RNF128: variants seen among roughly 807,000 people sequenced by gnomAD.
The protein encoded by RNF128 is E3 ubiquitin-protein ligase RNF128.
A neutral mutation model predicts 26.2 loss-of-function variants in RNF128; 13 were observed. The observed-to-expected ratio is 0.50, with a 90% CI of 0.32 to 0.79. The LOEUF (loss-of-function observed/expected upper bound fraction) is 0.79, where lower values mean the gene tolerates loss of function less well. Ranked by LOEUF, RNF128 falls within the 30% of genes least tolerant of loss-of-function variation. RNF128 has a pLI of 0.03. For synonymous variants in RNF128, 149 were observed against 142.5 expected (o/e 1.05, Z -0.32); for missense variants, 315 against 349.7 (o/e 0.90, Z 0.79).
chrX:106,767,911 G>A (rs1165232785), intron 1 of RNF128, among the ~76,000 whole-genome samples: 2 of 111,906 alleles, frequency 1.8e-5, no homozygotes, highest in Non-Finnish European at 3.8e-5. Context: ...TTTATTGAGA[G>A]TTTTTAGCAT....
At chrX:106,705,941 G>C (rs1258091971) in intron 1 of RNF128, among the ~76,000 whole-genome samples, 1 of 112,018 alleles carries the variant, frequency 8.9e-6, no homozygotes, top group Non-Finnish European at 1.9e-5. Flanking sequence ...ATGTTGGTTA[G>C]AAGAAGGAGT....
chrX:106,718,044 G>C (rs1251549866), intron 1 of RNF128, among the ~76,000 whole-genome samples: 1 of 111,858 alleles, frequency 8.9e-6, no homozygotes, highest in Non-Finnish European at 1.9e-5. Context: ...TGAAAGCACT[G>C]ACACATGTTA....
At position 106,728,086 on chromosome X, in the gene RNF128, G is replaced by GA. The variant is rs929606382; in HGVS notation, c.484+698dup. Among the ~76,000 whole-genome samples the GA allele has an allele frequency of 2.2e-3, 239 of 108,907 alleles. 1 individual carries two copies. The highest frequency in any genetic ancestry group is 4.8e-3 in the Middle Eastern group (1 of 210). 94.6% of individuals were successfully genotyped at this position (108,907 alleles called of 115,157 possible). A position where few individuals can be genotyped will look rare whatever the true frequency, so the allele number is the denominator to read the frequency against. ...GAGGATAGCAAAGGCCTAGACTTTG[G>GA]AAAAAAAAATAGTCCAGGTAGTTCT... On this transcript the variant is annotated intron_variant, in intron 1 of 6. Coordinates refer to ENST00000255499, the MANE Select transcript of RNF128 (RefSeq NM_194463.2).
intron 1 of RNF128, among the ~76,000 whole-genome samples, chrX:106,747,575 C>T (rs187562429): frequency 9.0e-6 from 1 of 111,228 alleles, no homozygotes; most frequent in East Asian, 2.8e-4. Context: ...ATCTTCTGAT[C>T]CCATTTGAGT....
intron 1 of RNF128, among the ~76,000 whole-genome samples, chrX:106,770,088 T>C (rs1378480676): frequency 2.7e-5 from 3 of 112,116 alleles, no homozygotes; most frequent in African/African-American, 9.7e-5. Flanking sequence ...TCTCTTCTGA[T>C]TTGTAGAGTT....
Position 106,773,156 on chromosome X carries a change from A to G in RNF128, c.728A>G (p.Lys243Arg). 8.3e-7 allele frequency: 1 copy of G among 1,208,935 alleles called. No individual in the cohort carries two copies. The highest frequency in any genetic ancestry group is 3.0e-5 in the East Asian group (1 of 33,831). ...RLRNARAQSR[K>R]QRQLKADAKK... ...CGGAATGCAAGAGCTCAAAGCAGGA[A>G]GCAGGTTTGTAATGGTCCTTTCTTC... The change falls in exon 2 of 7, where the codon AAG (lysine) becomes AGG (arginine). Residue 243 changes from lysine (K) to arginine (R), a missense_variant. Transcript: ENST00000255499.
At chrX:106,752,620 T>A (rs987649757) in intron 1 of RNF128, among the ~76,000 whole-genome samples, 3 of 112,162 alleles carry the variant, frequency 2.7e-5, no homozygotes, top group African/African-American at 9.7e-5. Flanking sequence ...CTGTGAATAT[T>A]ATAATACCTA....
chrX:106,759,971 T>C (rs929014958), intron 1 of RNF128, among the ~76,000 whole-genome samples: 1 of 111,602 alleles, frequency 9.0e-6, no homozygotes. Flanking sequence ...ATAAAAATGC[T>C]TGAAGTGATG....
intron 1 of RNF128, among the ~76,000 whole-genome samples, chrX:106,756,035 T>C (rs1221671506): frequency 2.7e-5 from 3 of 110,238 alleles, no homozygotes; most frequent in African/African-American, 9.9e-5. Context: ...ACAAGGGATG[T>C]GAAGGACCTC....
intron 1 of RNF128, among the ~76,000 whole-genome samples, chrX:106,759,066 A>C (rs774681352): frequency 1.8e-5 from 2 of 112,259 alleles, no homozygotes; most frequent in Non-Finnish European, 3.8e-5. Context: ...AGAATACTTA[A>C]GGAGCTGAAA....
At chrX:106,715,111 G>A (rs1401471648) in intron 1 of RNF128, among the ~76,000 whole-genome samples, 1 of 111,716 alleles carries the variant, frequency 9.0e-6, no homozygotes, top group Non-Finnish European at 1.9e-5. Flanking sequence ...ATAAGAAACT[G>A]CCAGACTGTT....
chrX:106,746,218 T>C (rs1008787565), intron 1 of RNF128, among the ~76,000 whole-genome samples: 6 of 110,772 alleles, frequency 5.4e-5, no homozygotes, highest in Non-Finnish European at 5.7e-5. Context: ...GAATAACCTC[T>C]ATTTTCTAAT....
At chrX:106,709,201 A>G (rs192624229) in intron 1 of RNF128, among the ~76,000 whole-genome samples, 336 of 111,848 alleles carry the variant, frequency 3.0e-3, no homozygotes, top group African/African-American at 0.01. Context: ...TTTATTTTGT[A>G]TGCTCAGGCT....
At chrX:106,764,157 G>A (rs1210311250) in intron 1 of RNF128, among the ~76,000 whole-genome samples, 14 of 106,543 alleles carry the variant, frequency 1.3e-4, no homozygotes, top group African/African-American at 4.8e-4. Flanking sequence ...AGAAGAGACG[G>A]GGTTTCACCA....
chrX:106,773,239 C>T (rs893423422), intron 2 of RNF128, 79 bp downstream of exon 2: 2 of 974,269 alleles, frequency 2.1e-6, no homozygotes, highest in African/African-American at 1.9e-5. Context: ...CATTTTAATA[C>T]ATTGTACTTG....
At chrX:106,779,348 C>CGTGTGTAT (rs776421074) in intron 2 of RNF128, among the ~76,000 whole-genome samples, 3 of 90,116 alleles carry the variant, frequency 3.3e-5, no homozygotes, top group Non-Finnish European at 6.6e-5. Flanking sequence ...TACACAGTTA[C>CGTGTGTAT]GTGTGTGTGT....
At chrX:106,786,230 A>C (rs967594586) in intron 3 of RNF128, among the ~76,000 whole-genome samples, 6 of 111,929 alleles carry the variant, frequency 5.4e-5, no homozygotes, top group African/African-American at 1.9e-4. Context: ...AGATTTATAG[A>C]TCAAAGAAAC....
chrX:106,708,584 G>A (rs893588720), intron 1 of RNF128, among the ~76,000 whole-genome samples: 5 of 112,027 alleles, frequency 4.5e-5, no homozygotes, highest in African/African-American at 1.3e-4. Context: ...ATTATTAAGT[G>A]CTTTCAGAGA....
intron 1 of RNF128, among the ~76,000 whole-genome samples, chrX:106,772,645 G>A (rs1269608377): frequency 9.0e-6 from 1 of 111,225 alleles, no homozygotes; most frequent in Non-Finnish European, 1.9e-5. Flanking sequence ...TTGAATTATA[G>A]ATAGTTAATC....
Sources: gnomAD v4.1 joint callset for allele counts (sites outside exome capture counted in the v4.1 genomes callset) on GRCh38, gnomAD v4.1.1 for gene constraint, MANE v1.5 for transcripts, NCBI Gene and HGNC (gene_info 2026-07-23, HGNC 2026-07-21) for gene names.